MRPL37: variants seen among roughly 807,000 people sequenced by gnomAD.
MRPL37 encodes large ribosomal subunit protein mL37.
MRPL37 carries 34 observed loss-of-function variants against 44.1 expected under a neutral mutation model. The observed-to-expected ratio is 0.77, with a 90% CI of 0.59 to 1.03. MRPL37 has a LOEUF of 1.03. Among genes scored for constraint, MRPL37 ranks in the 50% least tolerant of loss-of-function variants. The pLI, the probability that MRPL37 is intolerant of heterozygous loss-of-function variation, is 0.00. For synonymous variants in MRPL37, 212 were observed against 219.5 expected, an observed-to-expected ratio of 0.97 and a Z score of 0.30; for missense variants, 532 against 543.7, an observed-to-expected ratio of 0.98 and a Z score of 0.21.
chr1:54,209,450 A>ATTT (rs35454838), intron 3 of MRPL37, among the ~76,000 whole-genome samples: 2 of 137,708 alleles, frequency 1.5e-5, no homozygotes, highest in Non-Finnish European at 1.6e-5. Flanking sequence ...AAAGTCTTTA[A>ATTT]TTTTTTTTTT....
intron 4 of MRPL37, among the ~76,000 whole-genome samples, chr1:54,211,427 C>T (rs1644163669): frequency 6.6e-6 from 1 of 152,028 alleles, no homozygotes; most frequent in Admixed American, 6.6e-5. Flanking sequence ...GCTGAAGGAC[C>T]AAACATGCAG....
At chr1:54,209,447 T>G (rs985496374) in intron 3 of MRPL37, among the ~76,000 whole-genome samples, 1 of 148,788 alleles carries the variant, frequency 6.7e-6, no homozygotes, top group Non-Finnish European at 1.5e-5. Flanking sequence ...GAGAAAGTCT[T>G]TAATTTTTTT....
intron 6 of MRPL37, 35 bp downstream of exon 6, chr1:54,216,379 G>A (rs771112155): frequency 2.5e-6 from 4 of 1,597,548 alleles, no homozygotes; most frequent in Non-Finnish European, 2.6e-6. Context: ...ACCCAGGAGG[G>A]CCATGCCTCC....
downstream of MRPL37, among the ~76,000 whole-genome samples, chr1:54,221,724 G>A (rs914393477): frequency 6.6e-6 from 1 of 151,942 alleles, no homozygotes; most frequent in African/African-American, 2.4e-5. Flanking sequence ...ACGTGTACAC[G>A]AGACCCATGG....
At chr1:54,218,109 C>T in intron 6 of MRPL37, 63 bp from the exon 7 acceptor site, 1 of 1,423,902 alleles carries the variant, frequency 7.0e-7, no homozygotes, top group East Asian at 2.3e-5. Flanking sequence ...TCAATCCAAT[C>T]TTTGTTTTAA....
chr1:54,204,015 G>T (rs1051637955), intron 1 of MRPL37, among the ~76,000 whole-genome samples: 1 of 152,090 alleles, frequency 6.6e-6, no homozygotes, highest in Non-Finnish European at 1.5e-5. Context: ...TTTACTATTT[G>T]GCCCTTTGAG....
chr1:54,223,141 C>T (rs1644246650), downstream of MRPL37, among the ~76,000 whole-genome samples: 1 of 152,228 alleles, frequency 6.6e-6, no homozygotes, highest in Non-Finnish European at 1.5e-5. Flanking sequence ...CACCCACCCT[C>T]GTTGGTCTGA....
Position 54,210,092 on chromosome 1 carries a change from C to T in MRPL37, c.793C>T (p.Leu265Phe). Residue 265 changes from leucine to phenylalanine, a missense_variant, in exon 4 of 7, where the codon CTT (leucine) becomes TTT (phenylalanine). Coordinates refer to ENST00000360840, the MANE Select transcript of MRPL37 (RefSeq NM_016491.4). ...CTACCCCATATCACCCATCATCGAT[C>T]TTCATGAATGCAATATTTATGATGT... ...TFYPISPIID[L>F]HECNIYDVKN... is the part of the protein sequence containing the mutation. 1.2e-6 allele frequency: 2 copies of T among 1,614,120 alleles called. No homozygotes were observed. The highest frequency in any genetic ancestry group is 2.2e-5 in the South Asian group (2 of 91,076).
chr1:54,201,736 G>A (rs1225668359), intron 1 of MRPL37, among the ~76,000 whole-genome samples: 1 of 152,114 alleles, frequency 6.6e-6, no homozygotes, highest in Non-Finnish European at 1.5e-5. Flanking sequence ...GTGAGTTGGA[G>A]CAAATTCCTT....
intron 6 of MRPL37, among the ~76,000 whole-genome samples, chr1:54,217,126 G>A (rs1050550812): frequency 1.6e-4 from 24 of 152,270 alleles, no homozygotes; most frequent in African/African-American, 5.5e-4. Context: ...AGCGGAGTAG[G>A]GGTACTGCCT....
chr1:54,218,556 T>C (rs1644213157), downstream of MRPL37, among the ~76,000 whole-genome samples: 1 of 152,242 alleles, frequency 6.6e-6, no homozygotes, highest in African/African-American at 2.4e-5. Flanking sequence ...GGGGCTAATG[T>C]GACTTACCTG....
chr1:54,223,406 C>T (rs975537955), downstream of MRPL37, among the ~76,000 whole-genome samples: 1 of 152,226 alleles, frequency 6.6e-6, no homozygotes, highest in Non-Finnish European at 1.5e-5. Context: ...GGAACACAGC[C>T]CACCACTTCA....
At chr1:54,219,254 T>C (rs1251569287), downstream of MRPL37, among the ~76,000 whole-genome samples, 1 of 152,214 alleles carries the variant, frequency 6.6e-6, no homozygotes, top group East Asian at 1.9e-4. Context: ...CGAGGTGGCT[T>C]TGTTGGTCTG....
chr1:54,216,462 C>T, intron 6 of MRPL37, 118 bp downstream of exon 6: 1 of 1,193,872 alleles, frequency 8.4e-7, no homozygotes, highest in African/African-American at 1.5e-5. Flanking sequence ...TGGGGACTTC[C>T]CACCCGGGAT....
chr1:54,205,857 G>C (rs1644118034), intron 3 of MRPL37, among the ~76,000 whole-genome samples: 1 of 152,094 alleles, frequency 6.6e-6, no homozygotes, highest in Non-Finnish European at 1.5e-5. Context: ...TCCCTGCCCT[G>C]TTTCAGATCC....
downstream of MRPL37, among the ~76,000 whole-genome samples, chr1:54,224,867 A>G (rs565926213): frequency 0.016 from 2,436 of 152,054 alleles, 47 homozygotes; most frequent in East Asian, 0.069. Flanking sequence ...ACCAGCATAC[A>G]CTTTCCAAAA....
downstream of MRPL37, among the ~76,000 whole-genome samples, chr1:54,219,991 T>C (rs1461905223): frequency 6.6e-6 from 1 of 152,202 alleles, no homozygotes; most frequent in East Asian, 1.9e-4. Context: ...CCCTCGTTCA[T>C]GTATCTTAGA....
Position 54,205,130 on chromosome 1 carries a change from C to T in MRPL37, c.459C>T (p.Cys153=), listed in dbSNP as rs370161335. ...ACCACATAGAGAACCAAGACGAGTG[C>T]GTTCTGAATGTGATCTCTCACGCCC... ...PRNHIENQDE[C]VLNVISHARL... The change falls in exon 2 of 7, where the codon TGC becomes TGT. Residue 153 remains cysteine (C), a synonymous_variant. Transcript: ENST00000360840. The T allele has an allele frequency of 6.8e-6, 11 of 1,613,992 alleles. No homozygotes were observed. Among genetic ancestry groups the T allele is most frequent in the East Asian group, 6.7e-5 (3 of 44,882 alleles).
chr1:54,222,170 G>A (rs1201603423), downstream of MRPL37, among the ~76,000 whole-genome samples: 1 of 152,194 alleles, frequency 6.6e-6, no homozygotes, highest in Non-Finnish European at 1.5e-5. Flanking sequence ...GGACGAAGAG[G>A]GCTCTTACAT....
Sources: allele counts gnomAD v4.1 joint callset (sites outside exome capture counted in the v4.1 genomes callset), GRCh38; gene constraint gnomAD v4.1.1; transcripts MANE v1.5; gene names NCBI Gene and HGNC (gene_info 2026-07-23, HGNC 2026-07-21).